Variants in DLC1 observed in about 807,000 individuals in gnomAD.
DLC1 encodes the protein rho GTPase-activating protein 7.
DLC1 carries 54 observed loss-of-function variants against 140.3 expected under a neutral mutation model. That is an observed-to-expected ratio of 0.38 (90% CI 0.31 to 0.48). The LOEUF (loss-of-function observed/expected upper bound fraction) is 0.48. Among genes scored for constraint, DLC1 ranks in the 20% least tolerant of loss-of-function variants. The pLI is 0.96. For missense variants in DLC1, 2,536 were observed against 1,907.0 expected (o/e 1.33, Z -6.14); for synonymous variants, 986 against 728.1 (o/e 1.35, Z -5.70).
At chr8:13,137,090 T>A (rs1003951375) in intron 5 of DLC1, among the ~76,000 whole-genome samples, 6 of 152,172 alleles carry the variant, frequency 3.9e-5, no homozygotes, top group Non-Finnish European at 8.8e-5. Flanking sequence ...AATAAGACCT[T>A]GGCATTACCC....
intron 2 of DLC1, among the ~76,000 whole-genome samples, chr8:13,461,558 A>G (rs1021324846): frequency 1.3e-5 from 2 of 152,298 alleles, no homozygotes; most frequent in African/African-American, 4.8e-5. Flanking sequence ...GTTTTTAATA[A>G]TGATGATGAT....
chr8:13,391,053 A>C (rs1363760433), intron 4 of DLC1, among the ~76,000 whole-genome samples: 1 of 152,164 alleles, frequency 6.6e-6, no homozygotes, highest in African/African-American at 2.4e-5. Context: ...TGGCCATTTA[A>C]AGAAAAGAAA....
At chr8:13,379,443 A>T (rs901015727) in intron 4 of DLC1, among the ~76,000 whole-genome samples, 3 of 152,230 alleles carry the variant, frequency 2.0e-5, no homozygotes, top group African/African-American at 7.2e-5. Context: ...AAATGTGCTT[A>T]TAACACTTAC....
intron 5 of DLC1, among the ~76,000 whole-genome samples, chr8:13,233,507 G>A (rs1284281376): frequency 6.6e-6 from 1 of 151,824 alleles, no homozygotes; most frequent in Non-Finnish European, 1.5e-5. Context: ...CCAAAAATAA[G>A]ATATTTTAAG....
At chr8:13,363,877 C>G (rs1671341) in intron 4 of DLC1, among the ~76,000 whole-genome samples, 105,223 of 152,070 alleles carry the variant, frequency 0.69, 37,281 homozygotes, top group East Asian at 0.84. Context: ...TGCTTGTGTG[C>G]CATTTGCTTT....
Position 13,086,511 on chromosome 8 carries a change from C to T in DLC1, c.4293-48G>A, listed in dbSNP as rs746207401. On this transcript the variant is annotated intron_variant, in intron 16 of 17. Coordinates refer to ENST00000276297, the MANE Select transcript of DLC1 (RefSeq NM_182643.3). ...AGAAATGATGGAATTTCATAGAAGC[C>T]AAGTTTAAAATCGTGCTTCACTCTT... is the stretch of plus-strand genomic sequence containing the variant. The T allele has an allele frequency of 2.5e-6, 4 of 1,596,542 alleles. No individual in the cohort carries two copies. The African/African-American group carries it at 5.4e-5, about 22-fold the overall frequency.
chr8:13,529,026 C>T (rs866282764), intron 1 of DLC1, among the ~76,000 whole-genome samples: 43 of 152,068 alleles, frequency 2.8e-4, no homozygotes, highest in African/African-American at 9.2e-4. Context: ...CTCTTCTAGA[C>T]GAGGGAAGTA....
At chr8:13,437,908 TC>T (rs1365786231) in intron 2 of DLC1, among the ~76,000 whole-genome samples, 1 of 151,788 alleles carries the variant, frequency 6.6e-6, no homozygotes, top group Non-Finnish European at 1.5e-5. Context: ...GACTAATGGG[TC>T]CCTGATTTGA....
intron 5 of DLC1, among the ~76,000 whole-genome samples, chr8:13,300,630 G>C (rs1781746251): frequency 6.6e-6 from 1 of 152,078 alleles, no homozygotes; most frequent in Non-Finnish European, 1.5e-5. Flanking sequence ...GGAGAAGTAG[G>C]GCAGAGGGTG....
chr8:13,325,932 G>A (rs1334585730), intron 4 of DLC1, among the ~76,000 whole-genome samples: 1 of 152,170 alleles, frequency 6.6e-6, no homozygotes, highest in Non-Finnish European at 1.5e-5. Context: ...TGATTATAAT[G>A]GAGCATATAT....
chr8:13,507,921 G>A (rs1193070665), intron 1 of DLC1, among the ~76,000 whole-genome samples: 1 of 152,110 alleles, frequency 6.6e-6, no homozygotes, highest in Non-Finnish European at 1.5e-5. Context: ...GTACCCAGCT[G>A]AAAAATATTA....
chr8:13,464,569 G>C (rs1489006891), intron 2 of DLC1, among the ~76,000 whole-genome samples: 1 of 151,492 alleles, frequency 6.6e-6, no homozygotes, highest in Non-Finnish European at 1.5e-5. Flanking sequence ...ATATTACAAT[G>C]ATCCCCTGTG....
chr8:13,118,263 A>C (rs1820748236), intron 5 of DLC1, among the ~76,000 whole-genome samples: 1 of 151,766 alleles, frequency 6.6e-6, no homozygotes, highest in Non-Finnish European at 1.5e-5. Flanking sequence ...CAAAATAGTC[A>C]CTCTTAGGGC....
intron 5 of DLC1, among the ~76,000 whole-genome samples, chr8:13,292,672 A>G (rs1424273576): frequency 6.6e-6 from 1 of 152,146 alleles, no homozygotes; most frequent in Non-Finnish European, 1.5e-5. Context: ...TCCTACGTAC[A>G]AGTGTATTTT....
chr8:13,387,481 G>C (rs988239022), intron 4 of DLC1, among the ~76,000 whole-genome samples: 2 of 147,764 alleles, frequency 1.4e-5, no homozygotes, highest in South Asian at 4.3e-4. Flanking sequence ...GTGAAAGGTA[G>C]AATTTCAAGA....
At chr8:13,475,242 T>C (rs1336481008) in intron 2 of DLC1, among the ~76,000 whole-genome samples, 1 of 152,382 alleles carries the variant, frequency 6.6e-6, no homozygotes, top group East Asian at 1.9e-4. Flanking sequence ...GGTTGAATTT[T>C]GTTAAAACAG....
At chr8:13,545,971 C>T (rs375850072) in intron 1 of DLC1, among the ~76,000 whole-genome samples, 1 of 151,998 alleles carries the variant, frequency 6.6e-6, no homozygotes, top group Non-Finnish European at 1.5e-5. Context: ...ACCAGCCAAG[C>T]AGAATAATTC....
At chr8:13,199,674 T>C (rs944734519) in intron 5 of DLC1, among the ~76,000 whole-genome samples, 1 of 152,202 alleles carries the variant, frequency 6.6e-6, no homozygotes, top group Non-Finnish European at 1.5e-5. Context: ...GAATGGCTTC[T>C]TCATAAGATG....
chr8:13,585,168 A>G (rs1805254558), intron 1 of DLC1, among the ~76,000 whole-genome samples: 1 of 152,224 alleles, frequency 6.6e-6, no homozygotes, highest in South Asian at 2.1e-4. Context: ...TAGCAAAAAT[A>G]TTGTGCATAT....
Sources: allele counts gnomAD v4.1 joint callset (sites outside exome capture counted in the v4.1 genomes callset), GRCh38; gene constraint gnomAD v4.1.1; transcripts MANE v1.5; gene names NCBI Gene and HGNC (gene_info 2026-07-23, HGNC 2026-07-21).